SOX5: variants seen among roughly 807,000 people sequenced by gnomAD.
The protein encoded by SOX5 is transcription factor SOX-5.
SOX5 carries 9 observed loss-of-function variants against 92.0 expected under a neutral mutation model. The ratio of observed to expected loss-of-function variants is 0.10; its 90% confidence interval spans 0.06 to 0.17. The LOEUF is 0.17. Among genes scored for constraint, SOX5 ranks in the 10% least tolerant of loss-of-function variants. SOX5 has a pLI of 1.00. For missense variants in SOX5, 642 were observed against 944.5 expected (o/e 0.68, Z 4.20); for synonymous variants, 344 against 336.3 (o/e 1.02, Z -0.25).
chr12:24,535,017 C>T (rs948006973), intron 1 of SOX5, among the ~76,000 whole-genome samples: 2 of 152,198 alleles, frequency 1.3e-5, no homozygotes, highest in African/African-American at 4.8e-5. Flanking sequence ...GTTTTCCCAT[C>T]CCTTTACCAG....
intron 3 of SOX5, among the ~76,000 whole-genome samples, chr12:23,839,990 C>CAAAAAAAAAAAA (rs142394109): frequency 8.2e-6 from 1 of 121,856 alleles, no homozygotes; most frequent in African/African-American, 3.2e-5. Context: ...CTCAAGAAGA[C>CAAAAAAAAAAAA]AAAAAAAAAA....
intron 4 of SOX5, among the ~76,000 whole-genome samples, chr12:23,987,240 CAG>C (rs1407835453): frequency 6.6e-6 from 1 of 152,170 alleles, no homozygotes; most frequent in African/African-American, 2.4e-5. Flanking sequence ...ATGTCATCAA[CAG>C]TGACTGGGTA....
In SOX5 at chr12:24,133,974, C is replaced by G. The variant is rs374458738; in HGVS notation, c.-2+79369G>C. On this transcript the variant is annotated intron_variant, in intron 4 of 4. Transcript: ENST00000446891. Reference sequence around the variant, plus strand: ...ACAAAATCAGGAAGGGAGGCTTCTACTTTAGGGCAAATTAGCTTGTTCTAC... The same window carrying G: ...ACAAAATCAGGAAGGGAGGCTTCTAGTTTAGGGCAAATTAGCTTGTTCTAC... 4.6e-5 allele frequency among the ~76,000 whole-genome samples: 7 copies of G among 152,250 alleles called. No individual in the cohort carries two copies. The East Asian group carries it at 1.4e-3, about 29-fold the overall frequency.
At chr12:24,173,298 G>A (rs945903761) in intron 4 of SOX5, among the ~76,000 whole-genome samples, 1 of 152,184 alleles carries the variant, frequency 6.6e-6, no homozygotes, top group Non-Finnish European at 1.5e-5. Flanking sequence ...AACAAATCAG[G>A]GCCTGGTTCC....
intron 6 of SOX5, among the ~76,000 whole-genome samples, chr12:23,668,856 G>A (rs1263790093): frequency 1.3e-5 from 2 of 152,098 alleles, no homozygotes; most frequent in Admixed American, 1.3e-4. Context: ...TCTCTAAGAT[G>A]TTATGAATCC....
intron 4 of SOX5, among the ~76,000 whole-genome samples, chr12:24,087,865 T>C (rs1044184631): frequency 6.6e-6 from 1 of 152,060 alleles, no homozygotes; most frequent in Middle Eastern, 3.2e-3. Context: ...TCTATTTATA[T>C]GAATAACAGG....
At chr12:23,963,670 A>G (rs1047254130) in intron 4 of SOX5, among the ~76,000 whole-genome samples, 1 of 151,940 alleles carries the variant, frequency 6.6e-6, no homozygotes, top group Non-Finnish European at 1.5e-5. Context: ...TGAAGTACAA[A>G]AAAATTGGAA....
intron 4 of SOX5, among the ~76,000 whole-genome samples, chr12:23,986,401 GAAA>G (rs1390175191): frequency 6.6e-6 from 1 of 152,034 alleles, no homozygotes; most frequent in African/African-American, 2.4e-5. Context: ...TATCTTGTCA[GAAA>G]AGGACTTATT....
intron 1 of SOX5, among the ~76,000 whole-genome samples, chr12:24,451,502 G>T (rs1942299428): frequency 6.6e-6 from 1 of 152,108 alleles, no homozygotes; most frequent in Non-Finnish European, 1.5e-5. Context: ...TAACTAGGGT[G>T]AGATAATATC....
intron 3 of SOX5, among the ~76,000 whole-genome samples, chr12:24,232,651 G>A (rs1186270319): frequency 6.6e-6 from 1 of 152,098 alleles, no homozygotes; most frequent in East Asian, 1.9e-4. Context: ...CTGATTTAAT[G>A]AATAATTCTA....
At position 23,925,911 on chromosome 12, in the gene SOX5, T is replaced by C. The variant is rs186907491; in HGVS notation, c.38+23653A>G. Among the ~76,000 whole-genome samples the C allele has an allele frequency of 3.4e-4, 52 of 152,136 alleles. 1 individual carries two copies. The highest frequency in any genetic ancestry group is 2.9e-3 in the Admixed American group (44 of 15,274). ...ATAAAATATCTCACAAAAAATATAA[T>C]GTGGCACCAACCAATTAGAATAAAT... On this transcript the variant is annotated intron_variant, in intron 1 of 14. Coordinates refer to ENST00000451604, the MANE Select transcript of SOX5 (RefSeq NM_006940.6).
intron 4 of SOX5, among the ~76,000 whole-genome samples, chr12:24,208,707 A>T (rs1958275813): frequency 6.6e-6 from 1 of 152,222 alleles, no homozygotes; most frequent in South Asian, 2.1e-4. Context: ...AATTTATTCA[A>T]CACATGCTAT....
chr12:23,788,851 G>A (rs1164859967), intron 3 of SOX5, among the ~76,000 whole-genome samples: 4 of 151,910 alleles, frequency 2.6e-5, no homozygotes, highest in East Asian at 1.9e-4. Context: ...GAAATGAATA[G>A]TATTGAATTT....
At chr12:24,000,317 A>G (rs1046998936) in intron 4 of SOX5, among the ~76,000 whole-genome samples, 1 of 151,956 alleles carries the variant, frequency 6.6e-6, no homozygotes, top group African/African-American at 2.4e-5. Flanking sequence ...TTTTCTCTCC[A>G]AACTGTTTTA....
chr12:23,679,290 A>C (rs750170179), intron 6 of SOX5, among the ~76,000 whole-genome samples: 37 of 152,164 alleles, frequency 2.4e-4, no homozygotes, highest in Non-Finnish European at 4.7e-4. Flanking sequence ...CAAAGGGGAT[A>C]TTCCTTTGGT....
chr12:23,827,073 G>C (rs543138444), intron 3 of SOX5, among the ~76,000 whole-genome samples: 1 of 152,268 alleles, frequency 6.6e-6, no homozygotes, highest in Admixed American at 6.5e-5. Flanking sequence ...GTGGGGAGGA[G>C]ACAACTTAAA....
intron 4 of SOX5, among the ~76,000 whole-genome samples, chr12:24,197,181 G>T (rs554947770): frequency 4.6e-5 from 7 of 152,160 alleles, no homozygotes; most frequent in African/African-American, 1.4e-4. Context: ...CTAATCTTGG[G>T]TGATGCCTCA....
intron 1 of SOX5, among the ~76,000 whole-genome samples, chr12:23,908,496 C>T (rs1157847719): frequency 1.3e-5 from 2 of 151,876 alleles, no homozygotes; most frequent in Non-Finnish European, 2.9e-5. Context: ...TTGGTTACAG[C>T]CTGTTTCTAC....
At chr12:23,554,810 G>C (rs1944832843) in intron 11 of SOX5, among the ~76,000 whole-genome samples, 1 of 152,076 alleles carries the variant, frequency 6.6e-6, no homozygotes, top group South Asian at 2.1e-4. Context: ...ATCCATATTG[G>C]TAAAATAGCT....
Sources: allele counts gnomAD v4.1 joint callset (sites outside exome capture counted in the v4.1 genomes callset), GRCh38; gene constraint gnomAD v4.1.1; transcripts MANE v1.5; gene names NCBI Gene and HGNC (gene_info 2026-07-23, HGNC 2026-07-21).